The following DMD variants were observed in gnomAD, a reference collection of about 807,000 sequenced individuals.
DMD encodes the protein mutant dystrophin.
A neutral mutation model predicts 330.1 loss-of-function variants in DMD; 63 were observed. The ratio of observed to expected loss-of-function variants is 0.19; its 90% CI spans 0.16 to 0.24. The LOEUF (loss-of-function observed/expected upper bound fraction) is 0.24, where lower values mean the gene tolerates loss of function less well. Ranked by LOEUF, DMD falls within the 10% of genes least tolerant of loss-of-function variation. DMD has a pLI of 1.00. For missense variants in DMD, 3,344 were observed against 2,684.1 expected, an observed-to-expected ratio of 1.25 and a Z score of -5.43; for synonymous variants, 1,223 against 959.8, an observed-to-expected ratio of 1.27 and a Z score of -5.07.
chrX:32,729,870 A>C lies in DMD; in HGVS notation c.650-30577T>G, dbSNP rs147604596. ...TTCACCATAGTACTGACTATGTAAT[A>C]AACAATTTTCTAAATGTACTAGCAA... On this transcript the variant is annotated intron_variant, in intron 7 of 78. Transcript: ENST00000357033. 2.3e-3 allele frequency among the ~76,000 whole-genome samples: 257 copies of C among 112,400 alleles called. 1 individual carries two copies. The highest frequency in any genetic ancestry group is 4.9e-3 in the Admixed American group (52 of 10,550).
chrX:33,123,415 A>G lies in DMD; in HGVS notation c.31+87867T>C, dbSNP rs769764518. On this transcript the variant is annotated intron_variant, in intron 1 of 78. Coordinates refer to ENST00000357033, the MANE Select transcript of DMD (RefSeq NM_004006.3). ...AAAGTCTCAAATGAGTTTTTGTTCT[A>G]CTTTCTTTTGTTTTTTTTTGAGACA... Among the ~76,000 whole-genome samples, 45 of 107,722 alleles carry G rather than the reference A, an allele frequency of 4.2e-4. No individual in the cohort carries two copies. The South Asian group carries it at 5.0e-3, about 12-fold the overall frequency. The allele number at this position is 107,722 out of a possible 115,157, so 93.5% of individuals were successfully genotyped here.
At chrX:31,623,484 G>A (rs1188009006) in intron 55 of DMD, among the ~76,000 whole-genome samples, 3 of 110,839 alleles carry the variant, frequency 2.7e-5, no homozygotes, top group East Asian at 2.8e-4. Flanking sequence ...GGATGGTCTC[G>A]ATCTCTTGAC....
At chrX:31,447,911 G>A (rs1198947644) in intron 59 of DMD, among the ~76,000 whole-genome samples, 1 of 106,649 alleles carries the variant, frequency 9.4e-6, no homozygotes, top group African/African-American at 3.4e-5. Flanking sequence ...GGGGGCTGAG[G>A]CATGAGAAGC....
At chrX:33,008,005 A>T (rs1001647061) in intron 2 of DMD, among the ~76,000 whole-genome samples, 1 of 111,397 alleles carries the variant, frequency 9.0e-6, no homozygotes, top group Non-Finnish European at 1.9e-5. Flanking sequence ...ATTTGTTCTC[A>T]TTAAAAGACA....
At chrX:31,859,231 G>A (rs2093661844) in intron 48 of DMD, among the ~76,000 whole-genome samples, 1 of 111,341 alleles carries the variant, frequency 9.0e-6, no homozygotes, top group South Asian at 3.8e-4. Context: ...CCATTTTGGA[G>A]AGGAGCAGGA....
At chrX:31,257,091 G>T (rs1305216128) in intron 63 of DMD, among the ~76,000 whole-genome samples, 2 of 107,946 alleles carry the variant, frequency 1.9e-5, no homozygotes, top group African/African-American at 6.8e-5. Context: ...GGGTGCAGGG[G>T]AACACCTGAA....
chrX:32,959,780 A>T (rs902630960), intron 2 of DMD, among the ~76,000 whole-genome samples: 8 of 111,232 alleles, frequency 7.2e-5, no homozygotes, highest in African/African-American at 2.6e-4. Flanking sequence ...ACCACAACAA[A>T]TCACGTATAG....
chrX:32,732,899 T>G (rs2067903206), intron 7 of DMD, among the ~76,000 whole-genome samples: 1 of 110,750 alleles, frequency 9.0e-6, no homozygotes, highest in Non-Finnish European at 1.9e-5. Flanking sequence ...CAGGATCAAA[T>G]TCACACATAA....
chrX:32,605,876 T>C (rs971398286), intron 12 of DMD, among the ~76,000 whole-genome samples: 3 of 110,290 alleles, frequency 2.7e-5, no homozygotes, highest in Admixed American at 9.6e-5. Context: ...ATGGCTATTA[T>C]TTGTTTTTTT....
At chrX:32,617,098 T>G (rs1263046204) in intron 11 of DMD, among the ~76,000 whole-genome samples, 1 of 110,653 alleles carries the variant, frequency 9.0e-6, no homozygotes, top group Non-Finnish European at 1.9e-5. Context: ...ATACAGAACC[T>G]AAGCACAAAT....
At chrX:31,134,265 C>CA in intron 76 of DMD, 71 bp from the exon 77 acceptor site, 1 of 813,854 alleles carries the variant, frequency 1.2e-6, no homozygotes, top group Non-Finnish European at 1.8e-6. Context: ...GCCATGATTA[C>CA]ATTTTTAACA....
intron 41 of DMD, among the ~76,000 whole-genome samples, chrX:32,317,587 A>G (rs2097587274): frequency 9.0e-6 from 1 of 111,497 alleles, no homozygotes; most frequent in South Asian, 3.7e-4. Context: ...TTTTAAACAA[A>G]ATGTTTTCCT....
At chrX:32,005,263 C>A (rs1316996013) in intron 44 of DMD, among the ~76,000 whole-genome samples, 1 of 111,567 alleles carries the variant, frequency 9.0e-6, no homozygotes, top group African/African-American at 3.3e-5. Flanking sequence ...ACTTAAAAAG[C>A]AATTTACCAG....
chrX:31,344,532 T>C lies in DMD; in HGVS notation c.9163+4024A>G, dbSNP rs2057975016. On this transcript the variant is annotated intron_variant, in intron 61 of 78. Transcript: ENST00000357033. ...AAGCAGCTCATAAAACTGTAGCATG[T>C]TTTTATCTGCGCATGGTTTAAAAGA... 4.5e-5 allele frequency among the ~76,000 whole-genome samples: 5 copies of C among 111,384 alleles called. 1 individual carries two copies. The South Asian group carries it at 1.9e-3, about 42-fold the overall frequency.
chrX:32,735,500 A>G (rs980095583), intron 7 of DMD, among the ~76,000 whole-genome samples: 1 of 111,487 alleles, frequency 9.0e-6, no homozygotes, highest in Non-Finnish European at 1.9e-5. Context: ...GCATCACACT[A>G]CCTGACTTCA....
At chrX:32,399,499 A>T (rs995072506) in intron 30 of DMD, among the ~76,000 whole-genome samples, 2 of 111,880 alleles carry the variant, frequency 1.8e-5, no homozygotes, top group African/African-American at 6.5e-5. Context: ...ATCACTGATC[A>T]TAACAGAATA....
intron 63 of DMD, among the ~76,000 whole-genome samples, chrX:31,250,254 T>C (rs1354693848): frequency 9.0e-6 from 1 of 111,418 alleles, no homozygotes; most frequent in Non-Finnish European, 1.9e-5. Context: ...TATTTAATTA[T>C]AGGGGGTGCG....
chrX:32,193,785 G>A (rs1056802946), intron 44 of DMD, among the ~76,000 whole-genome samples: 1 of 111,439 alleles, frequency 9.0e-6, no homozygotes, highest in African/African-American at 3.3e-5. Flanking sequence ...TCCCAGGATC[G>A]CAGGAATTAT....
At chrX:32,325,866 T>C (rs764074303) in intron 41 of DMD, among the ~76,000 whole-genome samples, 12 of 107,649 alleles carry the variant, frequency 1.1e-4, no homozygotes, top group Admixed American at 3.0e-4. Context: ...TGCAGTGGCT[T>C]GATCTCGGCT....
Sources: gnomAD v4.1 joint callset for allele counts (sites outside exome capture counted in the v4.1 genomes callset) on GRCh38, gnomAD v4.1.1 for gene constraint, MANE v1.5 for transcripts, NCBI Gene and HGNC (gene_info 2026-07-23, HGNC 2026-07-21) for gene names.